Variants in RIPK1 observed in about 807,000 individuals in gnomAD.
RIPK1 encodes the protein receptor interacting serine/threonine kinase 1.
Under a neutral mutation model 62.4 loss-of-function variants are expected in RIPK1, and 27 were observed. The observed-to-expected ratio is 0.43, with a 90% CI of 0.32 to 0.60. The LOEUF (loss-of-function observed/expected upper bound fraction) is 0.60, where lower values mean the gene tolerates loss of function less well. Ranked by LOEUF, RIPK1 falls within the 20% of genes least tolerant of loss-of-function variation. The pLI, the probability that RIPK1 is intolerant of heterozygous loss-of-function variation, is 0.07. For missense variants in RIPK1, 735 were observed against 831.0 expected (o/e 0.88, Z 1.42); for synonymous variants, 287 against 303.2 (o/e 0.95, Z 0.55).
At chr6:3,088,941 G>C (rs1181327964) in intron 6 of RIPK1, 1 of 152,182 alleles carries the variant, frequency 6.6e-6, no homozygotes, top group Non-Finnish European at 1.5e-5. Context: ...TTTCAGCCAA[G>C]TCTGAGATAT....
chr6:3,081,717 G>A (rs1267459091), intron 4 of RIPK1, among the ~76,000 whole-genome samples: 1 of 151,836 alleles, frequency 6.6e-6, no homozygotes, highest in Non-Finnish European at 1.5e-5. Flanking sequence ...AAAATCAGCC[G>A]GGCGTGGTGG....
Position 3,105,940 on chromosome 6 carries a change from T to C in RIPK1, c.1465T>C (p.Trp489Arg), listed in dbSNP as rs773928645. The C allele has an allele frequency of 1.9e-6, 3 of 1,614,122 alleles. No homozygotes were observed. The highest frequency in any genetic ancestry group is 2.2e-5 in the East Asian group (1 of 44,888). Reference protein sequence around the residue: ...LDPGTAGPRVWYRPIPSHMPS... With the variant: ...LDPGTAGPRVRYRPIPSHMPS... ...TCCAGGAACAGCAGGTCCCAGAGTTTGGTACAGGCCAATTCCAAGTCATAT... is the reference window on the plus strand; with the variant it reads ...TCCAGGAACAGCAGGTCCCAGAGTTCGGTACAGGCCAATTCCAAGTCATAT... Residue 489 changes from tryptophan to arginine, a missense_variant, in exon 9 of 11, where the codon TGG (tryptophan) becomes CGG (arginine). Around this residue, in one of 2 missense-constraint regions of RIPK1, gnomAD observed 671 missense variants for 726.2 expected, o/e 0.92. Coordinates refer to ENST00000259808, the MANE Select transcript of RIPK1 (RefSeq NM_001354930.2). This position sits in a 1 kb window ranked among gnomAD's most constrained non-coding sequence, Gnocchi z 4.5.
In RIPK1 at chr6:3,110,945, A is replaced by G; in HGVS notation, c.1719A>G (p.Gln573=). ...NFKEEPAAKY[Q]AIFDNTTSLT... ...AAGAAGAGCCAGCTGCTAAGTACCA[A>G]GCTATCTTTGGTAAGATACCCTGGA... Residue 573 remains glutamine (Q), a synonymous_variant, in exon 10 of 11, where the codon CAA becomes CAG. Coordinates refer to ENST00000259808, the MANE Select transcript of RIPK1 (RefSeq NM_001354930.2). The G allele has an allele frequency of 6.2e-7, 1 of 1,611,436 alleles. No individual in the cohort carries two copies. Among genetic ancestry groups the G allele is most frequent in the Non-Finnish European group, 8.5e-7 (1 of 1,179,006 alleles).
chr6:3,076,632 A>T (rs1424620216), intron 1 of RIPK1, 132 bp from the exon 2 acceptor site: 2 of 177,120 alleles, frequency 1.1e-5, no homozygotes, highest in Non-Finnish European at 2.2e-5. Flanking sequence ...GTGAGCTATG[A>T]TTGTGCCACT....
intron 7 of RIPK1, among the ~76,000 whole-genome samples, chr6:3,095,376 A>G (rs541664823): frequency 1.2e-4 from 18 of 152,352 alleles, no homozygotes; most frequent in Admixed American, 6.5e-4. Context: ...CAAATATTCA[A>G]TGAAGAAATT....
chr6:3,110,901 A>G lies in RIPK1; in HGVS notation c.1675A>G (p.Ser559Gly). 1 of 1,612,832 alleles carries G rather than the reference A, an allele frequency of 6.2e-7. No individual in the cohort carries two copies. The highest frequency in any genetic ancestry group is 8.5e-7 in the Non-Finnish European group (1 of 1,179,234). ...IGGTSSSLLD[S>G]TNTNFKEEPA... ...TGGGACGAGTTCATCACTACTAGACAGCACAAATACGAACTTCAAAGAAGA... is the reference window on the plus strand; with the variant it reads ...TGGGACGAGTTCATCACTACTAGACGGCACAAATACGAACTTCAAAGAAGA... Residue 559 changes from serine to glycine, a missense_variant, in exon 10 of 11, where the codon AGC becomes GGC. Ser to Gly is a moderately conservative substitution (Grantham distance 56). Around this residue, in one of 2 missense-constraint regions of RIPK1, gnomAD observed 671 missense variants for 726.2 expected, o/e 0.92. Coordinates refer to ENST00000259808, the MANE Select transcript of RIPK1 (RefSeq NM_001354930.2).
chr6:3,064,721 G>A (rs1001445201), upstream of RIPK1, among the ~76,000 whole-genome samples: 1 of 152,160 alleles, frequency 6.6e-6, no homozygotes, highest in Non-Finnish European at 1.5e-5. Flanking sequence ...GGTGTTTGAG[G>A]GTGAGTGGAA....
At chr6:3,108,448 A>G (rs11962338) in intron 9 of RIPK1, among the ~76,000 whole-genome samples, 10,389 of 152,194 alleles carry the variant, frequency 0.068, 1,196 homozygotes, top group African/African-American at 0.24. Context: ...CACTGATTCA[A>G]GAACACAGAT....
intron 1 of RIPK1, among the ~76,000 whole-genome samples, chr6:3,070,700 G>A (rs1422193665): frequency 2.0e-5 from 3 of 152,148 alleles, no homozygotes; most frequent in Non-Finnish European, 4.4e-5. Context: ...CAAAGTGCTG[G>A]GATTACAGGC....
At chr6:3,106,859 A>G (rs1203486118) in intron 9 of RIPK1, among the ~76,000 whole-genome samples, 2 of 152,260 alleles carry the variant, frequency 1.3e-5, no homozygotes, top group African/African-American at 4.8e-5. Flanking sequence ...CTATGAGCAG[A>G]ATGTCCTTTT....
chr6:3,069,033 C>T (rs1758546978), intron 1 of RIPK1: 1 of 152,346 alleles, frequency 6.6e-6, no homozygotes, highest in East Asian at 1.9e-4. Flanking sequence ...CTCTGCTTAT[C>T]CGGAGTCCGC....
intron 3 of RIPK1, 71 bp from the exon 4 acceptor site, chr6:3,080,908 T>A: frequency 6.8e-7 from 1 of 1,472,040 alleles, no homozygotes; most frequent in Non-Finnish European, 9.3e-7. Flanking sequence ...CCCACCACCC[T>A]TTCATGAAAC....
Position 3,101,896 on chromosome 6 carries a change from CT to C in RIPK1, c.916-2323del, listed in dbSNP as rs375877489. ...CCATTACCACTATCTATATCTAGAA[CT>C]TTTTTATCATCCCAAACTGAAACTC... is the stretch of plus-strand genomic sequence containing the variant. On this transcript the variant is annotated intron_variant, in intron 7 of 10. Transcript: ENST00000259808. Among the ~76,000 whole-genome samples the C allele has an allele frequency of 4.4e-3, 675 of 152,242 alleles. 4 individuals carry two copies. Among genetic ancestry groups the C allele is most frequent in the South Asian group, 0.027 (132 of 4,824 alleles).
intron 1 of RIPK1, among the ~76,000 whole-genome samples, chr6:3,071,912 G>A (rs1357938879): frequency 6.6e-6 from 1 of 152,222 alleles, no homozygotes. Flanking sequence ...TCATAAAGTA[G>A]AAACCTTTTA....
In RIPK1 at chr6:3,099,869, T is replaced by C. The variant is rs113176557; in HGVS notation, c.916-4356T>C. On this transcript the variant is annotated intron_variant, in intron 7 of 10. Transcript: ENST00000259808. ...CAGTTCTACTCTCAGTAATCTATAC[T>C]GCTCACGTGCACTCAAAGATGTAGT... is the stretch of plus-strand genomic sequence containing the variant. Among the ~76,000 whole-genome samples, 806 of 152,356 alleles carry C rather than the reference T, an allele frequency of 5.3e-3. 7 individuals carry two copies. Among genetic ancestry groups the C allele is most frequent in the African/African-American group, 0.019 (789 of 41,582 alleles).
intron 1 of RIPK1, 76 bp downstream of exon 1, chr6:3,068,737 T>C: frequency 1.1e-6 from 1 of 911,256 alleles, no homozygotes; most frequent in Admixed American, 6.2e-5. Flanking sequence ...CTGGTCGGGG[T>C]TCGCGCGCCC....
At chr6:3,111,639 G>A (rs1761163749) in intron 10 of RIPK1, among the ~76,000 whole-genome samples, 2 of 151,988 alleles carry the variant, frequency 1.3e-5, no homozygotes, top group Admixed American at 1.3e-4. Flanking sequence ...GTACATGAAT[G>A]AGCACGGCTG....
At chr6:3,087,562 T>C (rs1315153022) in intron 6 of RIPK1, among the ~76,000 whole-genome samples, 3 of 150,712 alleles carry the variant, frequency 2.0e-5, no homozygotes, top group Non-Finnish European at 4.4e-5. Flanking sequence ...TACTGAGCTT[T>C]TTTTTTTTTT....
chr6:3,065,451 G>C (rs1399661182), upstream of RIPK1, among the ~76,000 whole-genome samples: 2 of 151,860 alleles, frequency 1.3e-5, no homozygotes, highest in African/African-American at 4.8e-5. Context: ...CCAGAGGCTC[G>C]GGAGGGGGCC....
Sources: gnomAD v4.1 joint callset for allele counts (sites outside exome capture counted in the v4.1 genomes callset) on GRCh38, gnomAD v4.1.1 for gene constraint, gnomAD v4.1.1 regional missense constraint, Gnocchi (gnomAD v3.1) non-coding constraint, MANE v1.5 for transcripts, NCBI Gene and HGNC (gene_info 2026-07-23, HGNC 2026-07-21) for gene names.